The following MCCC1 variants were observed in gnomAD, a reference collection of about 807,000 sequenced individuals.
The protein encoded by MCCC1 is methylcrotonyl-CoA carboxylase subunit 1.
MCCC1 carries 64 observed loss-of-function variants against 83.8 expected under a neutral mutation model. The ratio of observed to expected loss-of-function variants is 0.76; its 90% confidence interval spans 0.62 to 0.94. The LOEUF is 0.94. Ranked by LOEUF, MCCC1 falls within the 40% of genes least tolerant of loss-of-function variation. MCCC1 has a pLI of 0.00. For synonymous variants in MCCC1, 322 were observed against 315.4 expected, an observed-to-expected ratio of 1.02 and a Z score of -0.22; for missense variants, 807 against 904.7, an observed-to-expected ratio of 0.89 and a Z score of 1.39.
In MCCC1 at chr3:183,037,326, A is replaced by G. The variant is rs768167603; in HGVS notation, c.1486T>C (p.Leu496=). Residue 496 remains leucine (L), a synonymous_variant, in exon 13 of 19, where the codon TTG becomes CTG. Transcript: ENST00000265594. ...GCTGCAGCCTTCCGACTGAGCAACA[A>G]CTGTTTGTGGTGTTGAGGGATGAAA... is the stretch of plus-strand genomic sequence containing the variant. ...TDFIPQHHKQ[L]LLSRKAAAKE... The G allele has an allele frequency of 9.9e-6, 16 of 1,613,964 alleles. No homozygotes were observed. The African/African-American group carries it at 1.3e-4, about 13-fold the overall frequency.
At chr3:183,080,935 C>G (rs1048274600) in intron 4 of MCCC1, among the ~76,000 whole-genome samples, 1 of 152,136 alleles carries the variant, frequency 6.6e-6, no homozygotes, top group African/African-American at 2.4e-5. Flanking sequence ...CAGTAAAGAC[C>G]CATCCCCATA....
rs1185967072 is a variant in MCCC1, at chr3:183,079,681, G to A, written c.369+7012C>T. On this transcript the variant is annotated intron_variant, in intron 4 of 18. Coordinates refer to ENST00000265594, the MANE Select transcript of MCCC1 (RefSeq NM_020166.5). ...GGACCTCTTCTCACAGCTCCACTAGGCAGTACCCCAATAGGGACTCTGTGT... is the reference window on the plus strand; with the variant it reads ...GGACCTCTTCTCACAGCTCCACTAGACAGTACCCCAATAGGGACTCTGTGT... 3.9e-5 allele frequency among the ~76,000 whole-genome samples: 6 copies of A among 152,182 alleles called. No homozygotes were observed. In the East Asian group the frequency reaches 1.2e-3, roughly 29 times the overall value.
chr3:183,047,595 G>A (rs1714648839), intron 9 of MCCC1, among the ~76,000 whole-genome samples: 1 of 149,990 alleles, frequency 6.7e-6, no homozygotes, highest in African/African-American at 2.5e-5. Flanking sequence ...CAACATGCAA[G>A]AACAGATAGA....
intron 16 of MCCC1, 71 bp from the exon 17 acceptor site, chr3:183,020,308 T>A (rs1179764174): frequency 8.3e-7 from 1 of 1,206,836 alleles, no homozygotes; most frequent in Non-Finnish European, 1.2e-6. Flanking sequence ...ATACCTGAGG[T>A]AATAATTGTT....
intron 1 of MCCC1, among the ~76,000 whole-genome samples, chr3:183,097,959 G>T (rs1718862383): frequency 6.6e-6 from 1 of 151,948 alleles, no homozygotes; most frequent in Non-Finnish European, 1.5e-5. Flanking sequence ...CTGTCGCCCA[G>T]GCTGGAGTGC....
chr3:183,071,647 C>T (rs1716701337), intron 5 of MCCC1, among the ~76,000 whole-genome samples: 1 of 151,726 alleles, frequency 6.6e-6, no homozygotes, highest in African/African-American at 2.4e-5. Context: ...AGATAAATAA[C>T]TTATGCCTAT....
Position 183,033,976 on chromosome 3 carries a change from T to C in MCCC1, c.1681+15A>G. On this transcript the variant is annotated intron_variant, in intron 14 of 18. Transcript: ENST00000265594. ...TCTATGACTCACATTTCTCTTTTAA[T>C]GAAACATTACTTACTGTTTTTACCA... 6.4e-7 allele frequency: 1 copy of C among 1,554,680 alleles called. No individual in the cohort carries two copies. The highest frequency in any genetic ancestry group is 8.9e-7 in the Non-Finnish European group (1 of 1,127,296).
At chr3:183,075,863 G>A (rs1354595084) in intron 4 of MCCC1, among the ~76,000 whole-genome samples, 1 of 151,982 alleles carries the variant, frequency 6.6e-6, no homozygotes, top group Admixed American at 6.6e-5. Flanking sequence ...TTTTTAATGG[G>A]GTTGTTTTTC....
At chr3:183,083,567 C>T (rs112498923) in intron 4 of MCCC1, among the ~76,000 whole-genome samples, 1,703 of 152,244 alleles carry the variant, frequency 0.011, 36 homozygotes, top group African/African-American at 0.039. Flanking sequence ...TTGAAATATA[C>T]TTCAAAATAA....
chr3:183,066,366 A>G (rs1716259237), intron 7 of MCCC1, among the ~76,000 whole-genome samples: 1 of 152,194 alleles, frequency 6.6e-6, no homozygotes, highest in South Asian at 2.1e-4. Flanking sequence ...GTGCAGTGGC[A>G]CAATCTCAGT....
chr3:183,057,833 C>T (rs561036384), intron 7 of MCCC1, among the ~76,000 whole-genome samples: 13 of 152,236 alleles, frequency 8.5e-5, no homozygotes, highest in East Asian at 1.9e-4. Context: ...GATTGTGCCA[C>T]GGCATTCCAA....
intron 10 of MCCC1, among the ~76,000 whole-genome samples, chr3:183,045,144 G>A (rs1274488725): frequency 6.7e-6 from 1 of 150,112 alleles, no homozygotes; most frequent in Admixed American, 6.7e-5. Flanking sequence ...GCAGTGGCGC[G>A]ATCTCGGCTT....
intron 7 of MCCC1, among the ~76,000 whole-genome samples, chr3:183,060,402 G>A (rs1057036411): frequency 1.3e-5 from 2 of 152,152 alleles, no homozygotes; most frequent in Non-Finnish European, 2.9e-5. Flanking sequence ...TAAGAACAGA[G>A]GGGTAGATAA....
exon 1 of MCCC1, chr3:183,115,923 C>T (rs1719580148): frequency 6.6e-6 from 1 of 152,148 alleles, no homozygotes; most frequent in African/African-American, 2.4e-5. Flanking sequence ...TTGAACACAA[C>T]ACCACGGAGT....
chr3:183,051,547 A>G (rs1044240090), intron 9 of MCCC1, among the ~76,000 whole-genome samples: 2 of 152,164 alleles, frequency 1.3e-5, no homozygotes, highest in Non-Finnish European at 2.9e-5. Context: ...AGCACAGAGG[A>G]TATTTAGGGC....
In MCCC1 at chr3:183,039,152, CG is replaced by C. The variant is rs752201311; in HGVS notation, c.1268-18del. On this transcript the variant is annotated intron_variant, in intron 11 of 18. Transcript: ENST00000265594. ...CTTCGTCTCCTGAAATTGAAAACCA[CG>C]GTAACCTCTTCAAGTCAAAACACGA... The C allele has an allele frequency of 8.7e-6, 14 of 1,609,106 alleles. No individual in the cohort carries two copies. In the African/African-American group the frequency reaches 1.7e-4, roughly 20 times the overall value.
At chr3:183,077,717 T>C (rs1342944536) in intron 4 of MCCC1, among the ~76,000 whole-genome samples, 1 of 152,208 alleles carries the variant, frequency 6.6e-6, no homozygotes, top group Non-Finnish European at 1.5e-5. Flanking sequence ...TGTTTTCTTC[T>C]AGAAGTTTTA....
intron 2 of MCCC1, among the ~76,000 whole-genome samples, chr3:183,094,205 C>G (rs1039045700): frequency 6.6e-6 from 1 of 151,920 alleles, no homozygotes; most frequent in African/African-American, 2.4e-5. Context: ...CCCGCCACCA[C>G]GCCCAGCTAA....
chr3:183,071,886 T>TTG (rs66620916), intron 5 of MCCC1, among the ~76,000 whole-genome samples: 3 of 150,516 alleles, frequency 2.0e-5, no homozygotes, highest in African/African-American at 7.3e-5. Context: ...TTTTTTTTTT[T>TTG]GAGATGGGGT....
Sources: gnomAD v4.1 joint callset for allele counts (sites outside exome capture counted in the v4.1 genomes callset) on GRCh38, gnomAD v4.1.1 for gene constraint, MANE v1.5 for transcripts, NCBI Gene and HGNC (gene_info 2026-07-23, HGNC 2026-07-21) for gene names.